The following STXBP5 variants were observed in gnomAD, a reference collection of about 807,000 sequenced individuals.
The protein encoded by STXBP5 is syntaxin-binding protein 5.
A neutral mutation model predicts 152.4 loss-of-function variants in STXBP5; 50 were observed. The observed-to-expected ratio is 0.33, with a 90% CI of 0.26 to 0.42. The LOEUF (loss-of-function observed/expected upper bound fraction) is 0.42. STXBP5 is among the 10% of genes least tolerant of loss of function. STXBP5 has a pLI of 1.00. For synonymous variants in STXBP5, 492 were observed against 494.7 expected (o/e 0.99, Z 0.07); for missense variants, 1,167 against 1,388.6 (o/e 0.84, Z 2.54).
At chr6:147,280,257 T>C (rs1056690185) in intron 8 of STXBP5, among the ~76,000 whole-genome samples, 48 of 152,268 alleles carry the variant, frequency 3.2e-4, no homozygotes, top group African/African-American at 7.7e-4. Flanking sequence ...TGCCTCAGTA[T>C]GGTTTTGTCT....
chr6:147,260,533 A>C, intron 4 of STXBP5, 82 bp from the exon 5 acceptor site: 2 of 1,493,966 alleles, frequency 1.3e-6, no homozygotes, highest in Non-Finnish European at 1.9e-6. Flanking sequence ...CCTGAATTAT[A>C]TATCATAATC....
intron 2 of STXBP5, among the ~76,000 whole-genome samples, chr6:147,227,569 C>A (rs1777782388): frequency 6.6e-6 from 1 of 151,990 alleles, no homozygotes; most frequent in Non-Finnish European, 1.5e-5. Context: ...TTCCTTGTTA[C>A]CTTTGTAAAT....
At chr6:147,380,088 T>C (rs774836547) in intron 26 of STXBP5, among the ~76,000 whole-genome samples, 12 of 151,706 alleles carry the variant, frequency 7.9e-5, no homozygotes, top group Non-Finnish European at 1.3e-4. Flanking sequence ...ACAATTCATA[T>C]CAAAATCACA....
At chr6:147,360,809 A>G (rs2128412377) in intron 23 of STXBP5, among the ~76,000 whole-genome samples, 1 of 152,258 alleles carries the variant, frequency 6.6e-6, no homozygotes, top group East Asian at 1.9e-4. Flanking sequence ...GATAACTGAG[A>G]ATTCTGATTT....
intron 8 of STXBP5, among the ~76,000 whole-genome samples, chr6:147,287,556 T>A (rs186461489): frequency 2.6e-5 from 4 of 152,304 alleles, no homozygotes; most frequent in Admixed American, 2.6e-4. Flanking sequence ...GTAACTCCTT[T>A]TTTGCATCTT....
intron 19 of STXBP5, among the ~76,000 whole-genome samples, chr6:147,338,621 A>G (rs1783943505): frequency 6.6e-6 from 1 of 151,856 alleles, no homozygotes. Context: ...TCTTACCTCC[A>G]TAAATTTAGG....
chr6:147,382,776 A>G lies in STXBP5; in HGVS notation c.3194-2A>G. ...ACTCTTTGATTTATCAAATGTGTTC[A>G]GTTGGAGAATCGTCCTCAGGAAAGG... On this transcript the variant is annotated splice_acceptor_variant, in intron 26 of 27. Transcript: ENST00000321680. LOFTEE classifies it high-confidence loss of function. 1.9e-6 allele frequency: 3 copies of G among 1,613,008 alleles called. No homozygotes were observed. Among genetic ancestry groups the G allele is most frequent in the Non-Finnish European group, 2.5e-6 (3 of 1,179,258 alleles).
At chr6:147,287,894 A>G (rs1168984472) in intron 8 of STXBP5, among the ~76,000 whole-genome samples, 1 of 152,180 alleles carries the variant, frequency 6.6e-6, no homozygotes, top group East Asian at 1.9e-4. Context: ...TCTACCAGCC[A>G]TGTATGAGTA....
chr6:147,211,302 C>G (rs1403233865), intron 2 of STXBP5, among the ~76,000 whole-genome samples: 1 of 141,520 alleles, frequency 7.1e-6, no homozygotes, highest in African/African-American at 2.6e-5. Flanking sequence ...GAGCAAGACT[C>G]TGTCTCAAAA....
At chr6:147,265,128 T>C (rs1779828815) in intron 6 of STXBP5, among the ~76,000 whole-genome samples, 1 of 152,072 alleles carries the variant, frequency 6.6e-6, no homozygotes, top group Non-Finnish European at 1.5e-5. Flanking sequence ...TTGAAAAGAC[T>C]GGGAAAAGAG....
intron 18 of STXBP5, among the ~76,000 whole-genome samples, chr6:147,333,097 G>A (rs536143342): frequency 6.6e-6 from 1 of 152,174 alleles, no homozygotes; most frequent in East Asian, 1.9e-4. Flanking sequence ...TATCAATAAA[G>A]AGTACATGTA....
At chr6:147,325,720 A>T (rs1383047813) in intron 17 of STXBP5, among the ~76,000 whole-genome samples, 2 of 152,086 alleles carry the variant, frequency 1.3e-5, no homozygotes, top group African/African-American at 4.8e-5. Context: ...GCTATTTATC[A>T]TGTGTAGTTC....
intron 23 of STXBP5, among the ~76,000 whole-genome samples, chr6:147,362,104 A>T (rs1326479297): frequency 6.6e-6 from 1 of 152,200 alleles, no homozygotes; most frequent in Non-Finnish European, 1.5e-5. Flanking sequence ...GGACATACTT[A>T]TACTAAAAAG....
intron 3 of STXBP5, among the ~76,000 whole-genome samples, chr6:147,237,103 G>A (rs997211762): frequency 6.6e-5 from 10 of 152,124 alleles, no homozygotes; most frequent in African/African-American, 2.4e-4. Flanking sequence ...CTTGTGTTAA[G>A]ATTATTTTTT....
chr6:147,315,482 T>A lies in STXBP5; in HGVS notation c.1403-33T>A, dbSNP rs1582932227. ...TACCTTATGTTTGATCATTTTATAT[T>A]AAAGTATCTGACATATATTATCTTT... On this transcript the variant is annotated intron_variant, in intron 14 of 27. Coordinates refer to ENST00000321680, the MANE Select transcript of STXBP5 (RefSeq NM_001127715.4). 4 of 1,405,632 alleles carry A rather than the reference T, an allele frequency of 2.8e-6. No homozygotes were observed. The East Asian group carries it at 9.8e-5, about 35-fold the overall frequency. The allele number at this position is 1,405,632 out of a possible 1,614,324, so 87.1% of individuals were successfully genotyped here. A position where few individuals can be genotyped will look rare whatever the true frequency, so the allele number is the denominator to read the frequency against.
At chr6:147,316,139 T>C (rs762927458) in intron 15 of STXBP5, 90 bp from the exon 16 acceptor site, 44 of 1,240,324 alleles carry the variant, frequency 3.5e-5, no homozygotes, top group Non-Finnish European at 4.8e-5. Flanking sequence ...CACTGAAGTT[T>C]ATGTAAAGTG....
At chr6:147,333,178 A>G (rs972537291) in intron 18 of STXBP5, among the ~76,000 whole-genome samples, 1 of 152,212 alleles carries the variant, frequency 6.6e-6, no homozygotes, top group East Asian at 1.9e-4. Context: ...ATCTGTAAAA[A>G]CCAGGTTTTC....
At chr6:147,366,070 G>A (rs1271613884) in intron 25 of STXBP5, among the ~76,000 whole-genome samples, 1 of 152,162 alleles carries the variant, frequency 6.6e-6, no homozygotes, top group Non-Finnish European at 1.5e-5. Flanking sequence ...GGCACAGGGC[G>A]AAGGTACTAA....
chr6:147,206,259 C>T (rs1180354099), intron 2 of STXBP5, among the ~76,000 whole-genome samples, 191 bp downstream of exon 2: 2 of 152,032 alleles, frequency 1.3e-5, no homozygotes, highest in African/African-American at 2.4e-5. Flanking sequence ...TTCTCAGCTC[C>T]TAGTTTATAG....
Sources: allele counts gnomAD v4.1 joint callset (sites outside exome capture counted in the v4.1 genomes callset), GRCh38; gene constraint gnomAD v4.1.1; transcripts MANE v1.5; gene names NCBI Gene and HGNC (gene_info 2026-07-23, HGNC 2026-07-21).